Variants in OSBPL10 observed in about 807,000 individuals in gnomAD.
The protein encoded by OSBPL10 is oxysterol binding protein like 10.
A neutral mutation model predicts 81.7 loss-of-function variants in OSBPL10; 49 were observed. The ratio of observed to expected loss-of-function variants is 0.60; its 90% CI spans 0.48 to 0.76. The LOEUF is 0.76. OSBPL10 is among the 30% of genes least tolerant of loss of function. The probability of loss-of-function intolerance (pLI) is 0.00; values close to 1 mark genes in which losing one functional copy is unlikely to be tolerated. For synonymous variants in OSBPL10, 419 were observed against 383.6 expected, an observed-to-expected ratio of 1.09 and a Z score of -1.08; for missense variants, 923 against 987.8, an observed-to-expected ratio of 0.93 and a Z score of 0.88.
chr3:31,675,496 T>A (rs929761402), intron 8 of OSBPL10, among the ~76,000 whole-genome samples: 2 of 152,148 alleles, frequency 1.3e-5, no homozygotes, highest in African/African-American at 4.8e-5. Flanking sequence ...TATCTGTATC[T>A]CCCATGGCTG....
intron 2 of OSBPL10, among the ~76,000 whole-genome samples, chr3:31,996,002 G>A (rs529028390): frequency 2.1e-4 from 32 of 152,290 alleles, no homozygotes; most frequent in African/African-American, 5.8e-4. Flanking sequence ...TTTCTGAGAA[G>A]GAAAATGAAA....
intron 4 of OSBPL10, among the ~76,000 whole-genome samples, chr3:31,754,437 C>A (rs754233657): frequency 6.6e-6 from 1 of 152,004 alleles, no homozygotes; most frequent in Non-Finnish European, 1.5e-5. Flanking sequence ...AGAGAGGGTG[C>A]TGGCTAAACA....
chr3:32,011,351 C>A (rs909817640), intron 2 of OSBPL10, among the ~76,000 whole-genome samples: 8 of 152,224 alleles, frequency 5.3e-5, no homozygotes, highest in Admixed American at 5.2e-4. Flanking sequence ...GGACCTCCAG[C>A]AAACTCCAAC....
Position 31,661,970 on chromosome 3 carries a change from AAT to A in OSBPL10, c.*100_*101del. 6.8e-7 allele frequency: 1 copy of A among 1,476,900 alleles called. No homozygotes were observed. Among genetic ancestry groups the A allele is most frequent in the Non-Finnish European group, 9.2e-7 (1 of 1,084,106 alleles). 91.5% of individuals were successfully genotyped at this position (1,476,900 alleles called of 1,614,324 possible). On this transcript the variant is annotated 3_prime_UTR_variant, in exon 12 of 12. Transcript: ENST00000396556. ...TCTCTCTCATCATTTCTTGGATGCT[AAT>A]ACAAGGTCTCAGTGAATGCCAACAA...
chr3:31,751,958 T>TGAA (rs1697735590), intron 4 of OSBPL10, among the ~76,000 whole-genome samples: 1 of 152,252 alleles, frequency 6.6e-6, no homozygotes, highest in Admixed American at 6.5e-5. Context: ...GAGGCACTGA[T>TGAA]GAAGACTCTT....
intron 1 of OSBPL10, among the ~76,000 whole-genome samples, chr3:31,953,115 G>A (rs987321650): frequency 6.6e-6 from 1 of 151,326 alleles, no homozygotes; most frequent in Non-Finnish European, 1.5e-5. Flanking sequence ...TGTATTTTTA[G>A]TAGAGACGGG....
intron 6 of OSBPL10, chr3:31,732,902 A>G (rs1697023140): frequency 3.6e-6 from 1 of 276,886 alleles, no homozygotes; most frequent in Non-Finnish European, 6.8e-6. Context: ...CGAAGAAGCC[A>G]TTATTCAGGG....
At chr3:32,044,209 A>C (rs923243188) in intron 2 of OSBPL10, among the ~76,000 whole-genome samples, 4 of 152,080 alleles carry the variant, frequency 2.6e-5, no homozygotes, top group Non-Finnish European at 5.9e-5. Context: ...AATATACAAA[A>C]TATATTGTAT....
chr3:32,067,945 A>C (rs1161909932), intron 1 of OSBPL10, among the ~76,000 whole-genome samples: 3 of 152,204 alleles, frequency 2.0e-5, no homozygotes, highest in Admixed American at 6.5e-5. Context: ...GCTGAAGACC[A>C]GGGTCAGAGG....
chr3:31,973,262 G>T (rs144996549), intron 1 of OSBPL10, among the ~76,000 whole-genome samples: 2 of 152,112 alleles, frequency 1.3e-5, no homozygotes, highest in African/African-American at 2.4e-5. Context: ...ACAGCCACTG[G>T]GCAAATCAAA....
intron 1 of OSBPL10, among the ~76,000 whole-genome samples, chr3:31,898,281 CCT>C (rs1367679870): frequency 2.0e-5 from 3 of 151,890 alleles, no homozygotes; most frequent in African/African-American, 7.3e-5. Context: ...ATTTCAAATG[CCT>C]CACCACAAAA....
intron 1 of OSBPL10, among the ~76,000 whole-genome samples, chr3:31,926,908 G>C (rs1306230834): frequency 6.6e-6 from 1 of 152,104 alleles, no homozygotes; most frequent in African/African-American, 2.4e-5. Flanking sequence ...TCAGGAGTTC[G>C]AGACCAGCCT....
chr3:31,974,178 C>A (rs764348930), intron 1 of OSBPL10, among the ~76,000 whole-genome samples: 1 of 152,108 alleles, frequency 6.6e-6, no homozygotes. Flanking sequence ...CCGATTAATA[C>A]GTGAAAACAT....
chr3:32,074,834 C>T (rs1030199978), intron 1 of OSBPL10, among the ~76,000 whole-genome samples: 1 of 152,176 alleles, frequency 6.6e-6, no homozygotes, highest in Non-Finnish European at 1.5e-5. Context: ...CTAACCTTTT[C>T]ACTTTACATT....
intron 1 of OSBPL10, among the ~76,000 whole-genome samples, chr3:31,904,253 G>C (rs1216976632): frequency 6.6e-6 from 1 of 152,118 alleles, no homozygotes; most frequent in Non-Finnish European, 1.5e-5. Context: ...TCCCAGACTG[G>C]CAGGAAACCA....
intron 1 of OSBPL10, among the ~76,000 whole-genome samples, chr3:31,960,772 A>G (rs1698137608): frequency 6.6e-6 from 1 of 152,178 alleles, no homozygotes; most frequent in Non-Finnish European, 1.5e-5. Flanking sequence ...GCCATGTGCC[A>G]TCTGTGCCCC....
intron 3 of OSBPL10, among the ~76,000 whole-genome samples, chr3:31,871,697 C>G (rs933127272): frequency 6.6e-6 from 1 of 152,128 alleles, no homozygotes; most frequent in African/African-American, 2.4e-5. Flanking sequence ...GTGGAGAAAC[C>G]CTGTTTCTAC....
chr3:31,912,967 A>G (rs1176053556), intron 1 of OSBPL10, among the ~76,000 whole-genome samples: 1 of 152,238 alleles, frequency 6.6e-6, no homozygotes, highest in Non-Finnish European at 1.5e-5. Flanking sequence ...TAAGTAAGGC[A>G]TTAGCAAGCT....
upstream of OSBPL10, among the ~76,000 whole-genome samples, chr3:31,984,962 G>A (rs1181020098): frequency 6.6e-6 from 1 of 152,230 alleles, no homozygotes; most frequent in Non-Finnish European, 1.5e-5. Flanking sequence ...GGCTAGGCCA[G>A]GCGCGGTGGC....
Sources: allele counts gnomAD v4.1 joint callset (sites outside exome capture counted in the v4.1 genomes callset), GRCh38; gene constraint gnomAD v4.1.1; transcripts MANE v1.5; gene names NCBI Gene and HGNC (gene_info 2026-07-23, HGNC 2026-07-21).